Variants in TTBK2 observed in about 807,000 individuals in gnomAD.
TTBK2 encodes the protein tau-tubulin kinase 2.
TTBK2 carries 28 observed loss-of-function variants against 110.8 expected under a neutral mutation model. The observed-to-expected ratio is 0.25, with a 90% CI of 0.19 to 0.35. The LOEUF (loss-of-function observed/expected upper bound fraction) is 0.35. TTBK2 is among the 10% of genes least tolerant of loss of function. The pLI is 1.00. For synonymous variants in TTBK2, 532 were observed against 527.3 expected (o/e 1.01, Z -0.12); for missense variants, 1,369 against 1,500.3 (o/e 0.91, Z 1.45).
Position 42,746,166 on chromosome 15 carries a change from G to A in TTBK2, c.3364C>T (p.Pro1122Ser), listed in dbSNP as rs778560320. ...CTCTTGCACTGAGTAGTGCTCCGGG[G>A]TTTCTGAGATCCATTTTGAAGAATT... Reference protein sequence around the residue: ...AQILQNGSQKPRSTTQCKSPG... With the variant: ...AQILQNGSQKSRSTTQCKSPG... Residue 1122 changes from proline to serine, a missense_variant, in exon 15 of 15, where the codon CCC becomes TCC. Pro to Ser is a moderately conservative substitution (Grantham distance 74). This residue lies in a region of TTBK2 where 1,097 missense variants were observed against 1,114.7 expected (regional missense o/e 0.98). Transcript: ENST00000267890. 7 of 1,614,162 alleles carry A rather than the reference G, an allele frequency of 4.3e-6. No homozygotes were observed. In the South Asian group the frequency reaches 6.6e-5, roughly 15 times the overall value.
rs1020038839 is a variant in TTBK2, at chr15:42,905,459, AT to A, written c.-68+14978del. On this transcript the variant is annotated intron_variant, in intron 1 of 14. Transcript: ENST00000267890. ...TTTTTGGAGATACAGGTTTTGCCAT[AT>A]TGCCCAGGCTGGTCTCAAACTCCTG... Among the ~76,000 whole-genome samples, 14 of 150,926 alleles carry A rather than the reference AT, an allele frequency of 9.3e-5. 2 individuals are homozygous for A. Among genetic ancestry groups the A allele is most frequent in the African/African-American group, 3.4e-4 (14 of 41,126 alleles).
In TTBK2 at chr15:42,743,278, A is replaced by C. The variant is rs1034159716; in HGVS notation, c.*2517T>G. 1 of 152,214 alleles carries C rather than the reference A, an allele frequency of 6.6e-6. No individual in the cohort carries two copies. Among genetic ancestry groups the C allele is most frequent in the Non-Finnish European group, 1.5e-5 (1 of 68,032 alleles). The allele number at this position is 152,214 out of a possible 1,614,324, so 9.4% of individuals were successfully genotyped here. On this transcript the variant is annotated 3_prime_UTR_variant, in exon 15 of 15. Coordinates refer to ENST00000267890, the MANE Select transcript of TTBK2 (RefSeq NM_173500.4). ...AGGGGACAACACACTAGAAAAGTTG[A>C]GATAAAAATGGAAGGAACCAAGAAA...
intron 1 of TTBK2, among the ~76,000 whole-genome samples, chr15:42,911,389 C>A (rs1447380133): frequency 6.6e-6 from 1 of 152,116 alleles, no homozygotes; most frequent in East Asian, 1.9e-4. Context: ...ATTGCTTGAG[C>A]CCAGTAGTTT....
chr15:42,740,587 C>T lies in TTBK2; in HGVS notation c.*5208G>A, dbSNP rs967868333. On this transcript the variant is annotated 3_prime_UTR_variant, in exon 15 of 15. Coordinates refer to ENST00000267890, the MANE Select transcript of TTBK2 (RefSeq NM_173500.4). ...TTTTTTTTTTTGAGACGGAGTCTCA[C>T]TCTGTCGCCCAGGCTGGAGTGCAGT... The T allele has an allele frequency of 2.9e-4, 42 of 143,516 alleles. No individual in the cohort carries two copies. The highest frequency in any genetic ancestry group is 1.1e-3 in the African/African-American group (41 of 38,746). 8.9% of individuals were successfully genotyped at this position (143,516 alleles called of 1,614,324 possible). A position where few individuals can be genotyped will look rare whatever the true frequency, so the allele number is the denominator to read the frequency against.
chr15:42,786,996 ATAAG>A (rs1409766675), intron 10 of TTBK2, among the ~76,000 whole-genome samples: 2 of 152,252 alleles, frequency 1.3e-5, no homozygotes, highest in Non-Finnish European at 2.9e-5. Flanking sequence ...GATTAAGGGA[ATAAG>A]TAAGAAAATG....
intron 1 of TTBK2, among the ~76,000 whole-genome samples, chr15:42,892,943 G>A (rs1481281592): frequency 3.3e-5 from 5 of 149,996 alleles, no homozygotes; most frequent in African/African-American, 9.8e-5. Context: ...CCCGGGAGGC[G>A]GAGTATGCAG....
At chr15:42,797,566 T>C (rs980306592) in intron 9 of TTBK2, among the ~76,000 whole-genome samples, 5 of 152,214 alleles carry the variant, frequency 3.3e-5, no homozygotes, top group African/African-American at 1.2e-4. Flanking sequence ...GCAAAATAAT[T>C]TTCTAATTCG....
rs1006887683 is a variant in TTBK2, at chr15:42,846,004, C to CT, written c.218-5572dup. ...AATCTTATAGGACCACCGTCTGTCA[C>CT]TGAACAAAATGCTGTTGTGTGATGC... On this transcript the variant is annotated intron_variant, in intron 3 of 14. Transcript: ENST00000267890. 6.6e-5 allele frequency among the ~76,000 whole-genome samples: 10 copies of CT among 152,150 alleles called. 1 individual carries two copies. Among genetic ancestry groups the CT allele is most frequent in the Admixed American group, 3.9e-4 (6 of 15,276 alleles).
intron 11 of TTBK2, among the ~76,000 whole-genome samples, chr15:42,778,469 G>T (rs2140778232): frequency 6.6e-6 from 1 of 152,176 alleles, no homozygotes; most frequent in Admixed American, 6.5e-5. Flanking sequence ...TTGGAGACTA[G>T]CCTGGCCAAC....
chr15:42,914,164 G>C (rs187059896), intron 1 of TTBK2, among the ~76,000 whole-genome samples: 4 of 151,884 alleles, frequency 2.6e-5, no homozygotes, highest in Non-Finnish European at 4.4e-5. Context: ...TTTTAGTAGA[G>C]ACAGGGTTTC....
In TTBK2 at chr15:42,797,197, T is replaced by C. The variant is rs1027411713; in HGVS notation, c.823-2396A>G. On this transcript the variant is annotated intron_variant, in intron 9 of 14. Coordinates refer to ENST00000267890, the MANE Select transcript of TTBK2 (RefSeq NM_173500.4). ...ATCCCCATACAGGGGAGCCTTGCTA[T>C]GTGAGCACTTAGACTGCCACTGCTA... Among the ~76,000 whole-genome samples the C allele has an allele frequency of 5.9e-5, 9 of 152,386 alleles. No individual in the cohort carries two copies. The East Asian group carries it at 1.5e-3, about 26-fold the overall frequency.
chr15:42,889,464 C>T (rs958210614), intron 1 of TTBK2, among the ~76,000 whole-genome samples: 2 of 152,148 alleles, frequency 1.3e-5, no homozygotes, highest in Admixed American at 1.3e-4. Flanking sequence ...GTTTCTCAGG[C>T]TCTTGGTATT....
intron 1 of TTBK2, among the ~76,000 whole-genome samples, chr15:42,899,755 G>C (rs1287294984): frequency 6.6e-6 from 1 of 150,700 alleles, no homozygotes; most frequent in African/African-American, 2.4e-5. Context: ...AAAAAAATTA[G>C]CCAGGTGTGC....
At chr15:42,829,401 T>C (rs1329999744) in intron 5 of TTBK2, among the ~76,000 whole-genome samples, 2 of 152,244 alleles carry the variant, frequency 1.3e-5, no homozygotes, top group African/African-American at 4.8e-5. Flanking sequence ...GAACACAGTA[T>C]GAACAACTAA....
intron 13 of TTBK2, among the ~76,000 whole-genome samples, chr15:42,766,466 A>C (rs1354121266): frequency 6.8e-6 from 1 of 147,348 alleles, no homozygotes; most frequent in Non-Finnish European, 1.5e-5. Context: ...AAAAAAAAAA[A>C]AGCAAGGGTT....
chr15:42,868,946 C>A (rs1275355540), intron 3 of TTBK2, among the ~76,000 whole-genome samples: 1 of 151,956 alleles, frequency 6.6e-6, no homozygotes. Flanking sequence ...GTACCAAATT[C>A]TATTAAGACT....
intron 3 of TTBK2, among the ~76,000 whole-genome samples, chr15:42,854,892 T>C (rs1232345046): frequency 6.6e-6 from 1 of 152,162 alleles, no homozygotes; most frequent in Non-Finnish European, 1.5e-5. Flanking sequence ...ATGAAGTAAA[T>C]AACCAGAAAT....
At chr15:42,919,892 A>G in intron 1 of TTBK2, 1 of 857,340 alleles carries the variant, frequency 1.2e-6, no homozygotes, top group Middle Eastern at 6.0e-4. Context: ...ACAGCATCCC[A>G]GGGTGTCAAC....
At chr15:42,778,036 A>G (rs563353027) in intron 11 of TTBK2, among the ~76,000 whole-genome samples, 225 of 152,216 alleles carry the variant, frequency 1.5e-3, no homozygotes, top group African/African-American at 5.2e-3. Context: ...AAAAAGAGAG[A>G]GAATCAATAC....
Sources: gnomAD v4.1 joint callset for allele counts (sites outside exome capture counted in the v4.1 genomes callset) on GRCh38, gnomAD v4.1.1 for gene constraint, gnomAD v4.1.1 regional missense constraint, MANE v1.5 for transcripts, NCBI Gene and HGNC (gene_info 2026-07-23, HGNC 2026-07-21) for gene names.